Variants in PDZD2 observed in about 807,000 individuals in gnomAD.
PDZD2 encodes the protein PDZ domain-containing protein 2.
A neutral mutation model predicts 220.7 loss-of-function variants in PDZD2; 90 were observed. That is an observed-to-expected ratio of 0.41 (90% CI 0.34 to 0.49). PDZD2 has a LOEUF of 0.49. Ranked by LOEUF, PDZD2 falls within the 20% of genes least tolerant of loss-of-function variation. The pLI is 0.28. For synonymous variants in PDZD2, 1,375 were observed against 1,450.5 expected, an observed-to-expected ratio of 0.95 and a Z score of 1.18; for missense variants, 3,174 against 3,608.5, an observed-to-expected ratio of 0.88 and a Z score of 3.08.
At chr5:32,052,028 C>G (rs547477756) in intron 8 of PDZD2, among the ~76,000 whole-genome samples, 1 of 152,282 alleles carries the variant, frequency 6.6e-6, no homozygotes, top group South Asian at 2.1e-4. Flanking sequence ...TGACTCCATT[C>G]CAGATGTAGA....
At chr5:32,036,154 T>A (rs781194112) in intron 6 of PDZD2, among the ~76,000 whole-genome samples, 6 of 151,996 alleles carry the variant, frequency 3.9e-5, no homozygotes, top group Non-Finnish European at 8.8e-5. Context: ...AGAGACGGGG[T>A]TTCACTGTTT....
At chr5:32,048,751 C>A in intron 8 of PDZD2, 67 bp downstream of exon 8, 1 of 1,510,682 alleles carries the variant, frequency 6.6e-7, no homozygotes, top group Non-Finnish European at 9.1e-7. Flanking sequence ...AACTGCCCAT[C>A]CATACAGGCC....
rs367658559 is a variant in PDZD2, at chr5:32,004,487, A to G, written c.1254+4216A>G. ...ACACCTGTAATCCGTGCTACTTGGG[A>G]GGCTGAAGCAAGAAGATTGCTTGAG... On this transcript the variant is annotated intron_variant, in intron 5 of 24. Coordinates refer to ENST00000438447, the MANE Select transcript of PDZD2 (RefSeq NM_178140.4). 3.9e-5 allele frequency among the ~76,000 whole-genome samples: 6 copies of G among 152,366 alleles called. No individual in the cohort carries two copies. In the South Asian group the frequency reaches 8.3e-4, roughly 21 times the overall value.
In PDZD2 at chr5:31,795,003, AG is replaced by A. The variant is rs1269921968; in HGVS notation, c.-360-3884del. Among the ~76,000 whole-genome samples, 5 of 152,326 alleles carry A rather than the reference AG, an allele frequency of 3.3e-5. No individual in the cohort carries two copies. The East Asian group carries it at 5.8e-4, about 18-fold the overall frequency. On this transcript the variant is annotated intron_variant, in intron 1 of 24. Coordinates refer to ENST00000438447, the MANE Select transcript of PDZD2 (RefSeq NM_178140.4). ...TCCTTTTATACCCCCAGCCACGTTA[AG>A]GATCTAGGCTCTGAATTTCGGGTGA...
intron 1 of PDZD2, among the ~76,000 whole-genome samples, chr5:31,798,174 G>C (rs1198056927): frequency 4.6e-5 from 7 of 152,204 alleles, no homozygotes; most frequent in Non-Finnish European, 8.8e-5. Flanking sequence ...AGGCAAAGAA[G>C]GCACCTGTCT....
At chr5:32,023,206 G>A (rs1457144574) in intron 6 of PDZD2, among the ~76,000 whole-genome samples, 1 of 144,702 alleles carries the variant, frequency 6.9e-6, no homozygotes, top group Non-Finnish European at 1.5e-5. Flanking sequence ...ATTTGCCTTT[G>A]AACCCTCATG....
intron 17 of PDZD2, 135 bp from the exon 18 acceptor site, chr5:32,073,697 G>A (rs1033725837): frequency 1.4e-6 from 1 of 695,508 alleles, no homozygotes; most frequent in Non-Finnish European, 2.6e-6. Flanking sequence ...TAGGCCTTGT[G>A]TCCAGTGGCT....
chr5:32,009,930 A>G (rs1177038560), intron 5 of PDZD2, among the ~76,000 whole-genome samples: 1 of 151,700 alleles, frequency 6.6e-6, no homozygotes, highest in Non-Finnish European at 1.5e-5. Context: ...CATCTCTATT[A>G]AAAATACAAT....
chr5:31,894,694 A>G (rs1741378665), intron 2 of PDZD2, among the ~76,000 whole-genome samples: 3 of 152,112 alleles, frequency 2.0e-5, no homozygotes, highest in African/African-American at 7.2e-5. Context: ...TCTAAAATTA[A>G]GTTTGGGGTG....
At chr5:32,101,423 T>C (rs1744248265) in intron 24 of PDZD2, among the ~76,000 whole-genome samples, 184 bp downstream of exon 24, 1 of 152,212 alleles carries the variant, frequency 6.6e-6, no homozygotes. Flanking sequence ...GCAACTCTAT[T>C]GGGTGGGTGT....
At chr5:31,652,147 T>TTTTGTTTGTTTG (rs61335359) in intron 1 of PDZD2, among the ~76,000 whole-genome samples, 25 of 147,396 alleles carry the variant, frequency 1.7e-4, no homozygotes, top group South Asian at 4.4e-4. Flanking sequence ...TTTTTTTGTT[T>TTTTGTTTGTTTG]TTTGTTTGTT....
In PDZD2 at chr5:31,799,164, G is replaced by C; in HGVS notation, c.-85G>C. On this transcript the variant is annotated 5_prime_UTR_variant, in exon 2 of 25. Coordinates refer to ENST00000438447, the MANE Select transcript of PDZD2 (RefSeq NM_178140.4). ...ACACAGGCAAAGCTGATGATGGCCA[G>C]GGACCCCAGGGGACGTGGGGCCCTG... 2.4e-6 allele frequency: 2 copies of C among 837,964 alleles called. No homozygotes were observed. The allele number at this position is 837,964 out of a possible 1,614,324, so 51.9% of individuals were successfully genotyped here.
At chr5:31,655,565 T>G (rs1252831837) in intron 1 of PDZD2, among the ~76,000 whole-genome samples, 1 of 152,224 alleles carries the variant, frequency 6.6e-6, no homozygotes, top group Admixed American at 6.5e-5. Context: ...GTATTTTTTT[T>G]TTTTTAGAAG....
intron 6 of PDZD2, among the ~76,000 whole-genome samples, chr5:32,020,118 A>G (rs928529587): frequency 3.3e-5 from 5 of 150,976 alleles, no homozygotes; most frequent in Admixed American, 3.3e-4. Context: ...CCCAGACTGG[A>G]GTACAGTGGC....
intron 2 of PDZD2, among the ~76,000 whole-genome samples, chr5:31,825,375 A>G (rs1756148452): frequency 6.6e-6 from 1 of 152,176 alleles, no homozygotes; most frequent in African/African-American, 2.4e-5. Flanking sequence ...GTCCCCAGAA[A>G]AAGGGATGGG....
chr5:31,900,599 T>C (rs1292981610), intron 2 of PDZD2, among the ~76,000 whole-genome samples: 1 of 152,170 alleles, frequency 6.6e-6, no homozygotes. Flanking sequence ...CTGTCTGCCT[T>C]GACCTGAGGA....
intron 1 of PDZD2, among the ~76,000 whole-genome samples, chr5:31,767,766 T>C (rs1752112655): frequency 6.6e-6 from 1 of 152,226 alleles, no homozygotes; most frequent in Non-Finnish European, 1.5e-5. Context: ...ATGGCCTCCT[T>C]TGAGCCTGAG....
chr5:31,732,562 C>G (rs1017333561), intron 1 of PDZD2, among the ~76,000 whole-genome samples: 6 of 152,182 alleles, frequency 3.9e-5, no homozygotes, highest in African/African-American at 1.4e-4. Context: ...GGCCCCACTG[C>G]CTGTGAACTT....
chr5:31,915,209 C>T (rs1349683728), intron 2 of PDZD2, among the ~76,000 whole-genome samples: 1 of 152,176 alleles, frequency 6.6e-6, no homozygotes, highest in Non-Finnish European at 1.5e-5. Flanking sequence ...AAGCATCCCT[C>T]ACTTGAAATC....
Sources: allele counts gnomAD v4.1 joint callset (sites outside exome capture counted in the v4.1 genomes callset), GRCh38; gene constraint gnomAD v4.1.1; transcripts MANE v1.5; gene names NCBI Gene and HGNC (gene_info 2026-07-23, HGNC 2026-07-21).